POTEE: variants seen among roughly 807,000 people sequenced by gnomAD.
POTEE encodes the protein ANKRD26-like family C member 1A.
POTEE carries 21 observed loss-of-function variants against 74.2 expected under a neutral mutation model. The ratio of observed to expected loss-of-function variants is 0.28; its 90% CI spans 0.20 to 0.41. The LOEUF (loss-of-function observed/expected upper bound fraction) is 0.41. Among genes scored for constraint, POTEE ranks in the 10% least tolerant of loss-of-function variants. The pLI is 1.00. For missense variants in POTEE, 525 were observed against 1,158.6 expected, an observed-to-expected ratio of 0.45 and a Z score of 7.94; for synonymous variants, 211 against 432.8, an observed-to-expected ratio of 0.49 and a Z score of 6.36.
In POTEE at chr2:131,263,792, G is replaced by T. The variant is rs958956151; in HGVS notation, c.2337G>T (p.Trp779Cys). The change falls in exon 18 of 18, where the codon TGG becomes TGT. Residue 779 changes from tryptophan (W) to cysteine (C), a missense_variant. Coordinates refer to ENST00000683005, the MANE Select transcript of POTEE (RefSeq NM_001083538.3). ...TGGAACACGGCATCATCACCAACTG[G>T]GATGACATGGAGAAGATCTGGCACC... Reference protein sequence around the residue: ...YPMEHGIITNWDDMEKIWHHT... With the variant: ...YPMEHGIITNCDDMEKIWHHT... The T allele has an allele frequency of 6.2e-7, 1 of 1,613,530 alleles. No individual in the cohort carries two copies. Among genetic ancestry groups the T allele is most frequent in the Admixed American group, 1.7e-5 (1 of 59,978 alleles).
intron 6 of POTEE, among the ~76,000 whole-genome samples, chr2:131,225,510 G>C (rs569372749): frequency 3.4e-5 from 5 of 145,700 alleles, no homozygotes; most frequent in African/African-American, 1.0e-4. Context: ...ATCTCTAGAA[G>C]AGTTGGGGTT....
intron 4 of POTEE, among the ~76,000 whole-genome samples, chr2:131,222,759 T>G (rs923590462): frequency 1.3e-5 from 2 of 152,328 alleles, no homozygotes; most frequent in African/African-American, 4.8e-5. Flanking sequence ...TAAAGTTTAT[T>G]GAAAACCAAA....
At chr2:131,230,587 G>T (rs551843623) in intron 8 of POTEE, among the ~76,000 whole-genome samples, 2 of 152,096 alleles carry the variant, frequency 1.3e-5, no homozygotes, top group African/African-American at 4.8e-5. Context: ...ATTATGTCAT[G>T]CTAATGCTAG....
rs748017694 is a variant in POTEE, at chr2:131,263,839, G to C, written c.2384G>C (p.Arg795Pro). Residue 795 changes from arginine to proline, a missense_variant, in exon 18 of 18, where the codon CGT (arginine) becomes CCT (proline). By Grantham distance (103) the Arg-to-Pro change is moderately radical. Transcript: ENST00000683005. ...CACCACACCTTCTACAACGAGCTGC[G>C]TGTGGCTCCCGAGGAGCACCCCATC... ...IWHHTFYNEL[R>P]VAPEEHPILL... is the part of the protein sequence containing the mutation. 6.2e-7 allele frequency: 1 copy of C among 1,614,102 alleles called. No homozygotes were observed. Among genetic ancestry groups the C allele is most frequent in the Non-Finnish European group, 8.5e-7 (1 of 1,180,020 alleles).
chr2:131,258,559 G>T (rs1304775966), intron 16 of POTEE, among the ~76,000 whole-genome samples: 1 of 151,744 alleles, frequency 6.6e-6, no homozygotes, highest in Non-Finnish European at 1.5e-5. Flanking sequence ...CAATAATAGT[G>T]ATATTGTTAT....
chr2:131,230,904 C>A lies in POTEE; in HGVS notation c.1124C>A (p.Pro375Gln). The A allele has an allele frequency of 6.4e-7, 1 of 1,564,372 alleles. No homozygotes were observed. The highest frequency in any genetic ancestry group is 2.4e-5 in the East Asian group (1 of 42,138). Residue 375 changes from proline (P) to glutamine (Q), a missense_variant and splice_region_variant, in exon 9 of 18, where the codon CCA becomes CAA. Coordinates refer to ENST00000683005, the MANE Select transcript of POTEE (RefSeq NM_001083538.3). ...AAAATCTCTTCTGAAAACAGCAATC[C>A]AGGTAAGACTTGTGATAGTGAATTA... The part of the protein sequence containing the change: ...MLKISSENSN[P>Q]EQELKLTSEE...
In POTEE at chr2:131,209,826, T is replaced by C. The variant is rs540317098; in HGVS notation, c.-345+7T>C. Among the ~76,000 whole-genome samples, 1 of 151,858 alleles carries C rather than the reference T, an allele frequency of 6.6e-6. No homozygotes were observed. ...TAGAAATGTCCTGGTGTAGGTGAGT[T>C]ATCCGGGGATGTACTGCCCGCCTGT... On this transcript the variant is annotated splice_region_variant and intron_variant, in intron 1 of 17. Transcript: ENST00000683005.
Position 131,265,064 on chromosome 2 carries a change from C to A in POTEE, c.*381C>A, listed in dbSNP as rs577077964. The A allele has an allele frequency of 2.5e-5, 7 of 276,740 alleles. No homozygotes were observed. Among genetic ancestry groups the A allele is most frequent in the Admixed American group, 1.0e-4 (2 of 20,094 alleles). 17.1% of individuals were successfully genotyped at this position (276,740 alleles called of 1,614,324 possible). ...GGGAGGTGATAGCATTGCTTTTGTG[C>A]AAATTACATAATGCAAAATTTTTTG... On this transcript the variant is annotated 3_prime_UTR_variant, in exon 18 of 18. Transcript: ENST00000683005.
intron 8 of POTEE, chr2:131,229,549 T>G (rs563843474): frequency 1.3e-5 from 2 of 152,332 alleles, no homozygotes; most frequent in Non-Finnish European, 2.9e-5. Flanking sequence ...TAGTTGGACT[T>G]CACAGAGCCA....
At position 131,217,649 on chromosome 2, in the gene POTEE, TGTCA is replaced by T. The variant is rs1700473447; in HGVS notation, c.-125_-122del. Reference sequence around the variant, plus strand: ...CACGAAGTTTGCCGGAACTCAAGGCTGTCAGTGACATTCGTGGCGCCAAGACTTA... The same window carrying T: ...CACGAAGTTTGCCGGAACTCAAGGCTGTGACATTCGTGGCGCCAAGACTTA... On this transcript the variant is annotated 5_prime_UTR_variant, in exon 3 of 18. Transcript: ENST00000683005. Among the ~76,000 whole-genome samples the T allele has an allele frequency of 6.8e-6, 1 of 147,934 alleles. No individual in the cohort carries two copies. The highest frequency in any genetic ancestry group is 2.5e-5 in the African/African-American group (1 of 40,390).
At chr2:131,230,503 G>A (rs1278361360) in intron 8 of POTEE, among the ~76,000 whole-genome samples, 1 of 152,184 alleles carries the variant, frequency 6.6e-6, no homozygotes, top group African/African-American at 2.4e-5. Flanking sequence ...TTGAGCCTAA[G>A]AGAAGCAAGT....
At chr2:131,237,670 T>C (rs1326950862) in intron 10 of POTEE, among the ~76,000 whole-genome samples, 1 of 151,866 alleles carries the variant, frequency 6.6e-6, no homozygotes, top group African/African-American at 2.4e-5. Context: ...TGCATCTCTT[T>C]CTGTTTGGTG....
chr2:131,226,643 G>A (rs1263956499), intron 6 of POTEE, among the ~76,000 whole-genome samples, 180 bp from the exon 7 acceptor site: 1 of 151,050 alleles, frequency 6.6e-6, no homozygotes, highest in African/African-American at 2.5e-5. Flanking sequence ...GCAGAGAAGG[G>A]GTGTTTCCAA....
chr2:131,228,520 T>A, intron 8 of POTEE, 139 bp downstream of exon 8: 2 of 1,427,252 alleles, frequency 1.4e-6, no homozygotes, highest in Non-Finnish European at 1.9e-6. Context: ...GTCCCCTGCA[T>A]CAGCCAGAAA....
chr2:131,211,618 T>C (rs1215047750), intron 2 of POTEE, among the ~76,000 whole-genome samples: 1 of 141,096 alleles, frequency 7.1e-6, no homozygotes, highest in Non-Finnish European at 1.5e-5. Context: ...AGTGGTGCGA[T>C]CTCGGCTCAC....
In POTEE at chr2:131,218,630, C is replaced by T. The variant is rs1700512684; in HGVS notation, c.228C>T (p.Gly76=). 4 of 1,611,712 alleles carry T rather than the reference C, an allele frequency of 2.5e-6. No homozygotes were observed. The highest frequency in any genetic ancestry group is 3.4e-6 in the Non-Finnish European group (4 of 1,179,348). ...HHCFPCCRGS[G]KSNVGASGDH... is the part of the protein sequence containing the mutation. ...GCTTCCCCTGCTGCAGGGGGAGTGG[C>T]AAGAGCAACGTGGGCGCTTCTGGAG... The change falls in exon 4 of 18, where the codon GGC becomes GGT. Residue 76 remains glycine (G), a synonymous_variant. Coordinates refer to ENST00000683005, the MANE Select transcript of POTEE (RefSeq NM_001083538.3).
chr2:131,229,801 T>C (rs1049244434), intron 8 of POTEE: 7 of 152,148 alleles, frequency 4.6e-5, no homozygotes, highest in African/African-American at 1.2e-4. Context: ...CACCCAAATA[T>C]TGAAATTGTG....
intron 1 of POTEE, among the ~76,000 whole-genome samples, chr2:131,210,192 C>T (rs1186115918): frequency 7.6e-6 from 1 of 131,526 alleles, no homozygotes; most frequent in Non-Finnish European, 1.6e-5. Context: ...ACTGCCCTTA[C>T]TCAGGGTGCG....
intron 4 of POTEE, among the ~76,000 whole-genome samples, chr2:131,221,446 G>A (rs1049163363): frequency 6.6e-6 from 1 of 152,140 alleles, no homozygotes; most frequent in Non-Finnish European, 1.5e-5. Context: ...CTGGGGATTT[G>A]TAAGTGAAGT....
Sources: gnomAD v4.1 joint callset for allele counts (sites outside exome capture counted in the v4.1 genomes callset) on GRCh38, gnomAD v4.1.1 for gene constraint, MANE v1.5 for transcripts, NCBI Gene and HGNC (gene_info 2026-07-23, HGNC 2026-07-21) for gene names.